Variants in GVQW3 observed in about 807,000 individuals in gnomAD.
GVQW3 encodes the protein protein GVQW3.
In GVQW3, 7 loss-of-function variants were observed where a neutral mutation model predicts 12.5. The observed-to-expected ratio is 0.56, with a 90% CI of 0.32 to 1.05. The LOEUF is 1.05. Among genes scored for constraint, GVQW3 ranks in the 50% least tolerant of loss-of-function variants. The pLI, the probability that GVQW3 is intolerant of heterozygous loss-of-function variation, is 0.04. For synonymous variants in GVQW3, 71 were observed against 67.2 expected (o/e 1.06, Z -0.28); for missense variants, 188 against 190.8 (o/e 0.99, Z 0.09).
At chr11:76,383,214 G>A (rs569364322) in intron 1 of GVQW3, 56 of 152,380 alleles carry the variant, frequency 3.7e-4, no homozygotes, top group African/African-American at 1.3e-3. Context: ...TCTAGTCCCT[G>A]AATTAAGGGA....
intron 1 of GVQW3, among the ~76,000 whole-genome samples, chr11:76,398,878 C>T (rs947424948): frequency 4.6e-5 from 7 of 152,278 alleles, no homozygotes; most frequent in African/African-American, 4.8e-5. Flanking sequence ...GTTTGGCTCT[C>T]GCTTACTAAT....
chr11:76,387,815 TG>T (rs1946850426), intron 1 of GVQW3, among the ~76,000 whole-genome samples: 1 of 152,032 alleles, frequency 6.6e-6, no homozygotes, highest in Non-Finnish European at 1.5e-5. Context: ...CCCAGCTACT[TG>T]CAGGGTTGAG....
intron 1 of GVQW3, among the ~76,000 whole-genome samples, chr11:76,394,672 G>C (rs1045557710): frequency 6.6e-6 from 1 of 152,146 alleles, no homozygotes; most frequent in African/African-American, 2.4e-5. Context: ...GTATCTCTTT[G>C]ATATACTGAT....
downstream of GVQW3, among the ~76,000 whole-genome samples, chr11:76,409,189 C>T (rs573616826): frequency 5.9e-5 from 9 of 152,206 alleles, no homozygotes; most frequent in East Asian, 9.6e-4. Context: ...GAATGTACAC[C>T]GAATGCCTAT....
chr11:76,412,248 G>A (rs929441070), downstream of GVQW3: 1 of 152,232 alleles, frequency 6.6e-6, no homozygotes, highest in Admixed American at 6.5e-5. Flanking sequence ...TAACTATAAT[G>A]TACTGCAGAC....
chr11:76,398,441 A>G (rs1242725639), intron 1 of GVQW3, among the ~76,000 whole-genome samples: 3 of 151,944 alleles, frequency 2.0e-5, no homozygotes, highest in African/African-American at 7.3e-5. Flanking sequence ...CCTCCTGAGT[A>G]TCTGGGACTA....
chr11:76,399,114 TATTTTATTTTATTTC>T (rs1026755691), intron 1 of GVQW3, among the ~76,000 whole-genome samples: 6 of 147,732 alleles, frequency 4.1e-5, no homozygotes, highest in South Asian at 4.2e-4. Flanking sequence ...TATTGTATTT[TATTTTATTTTATTTC>T]ATTTTATTTT....
chr11:76,394,187 C>G (rs148851879), intron 1 of GVQW3, among the ~76,000 whole-genome samples: 1 of 152,202 alleles, frequency 6.6e-6, no homozygotes, highest in African/African-American at 2.4e-5. Flanking sequence ...TGAGCCACCA[C>G]GCCCAGCCTT....
At chr11:76,398,363 G>T (rs1444032500) in intron 1 of GVQW3, among the ~76,000 whole-genome samples, 2 of 152,232 alleles carry the variant, frequency 1.3e-5, no homozygotes, top group South Asian at 4.1e-4. Context: ...CCAAGCTAGA[G>T]TGCAGTGGCT....
intron 1 of GVQW3, among the ~76,000 whole-genome samples, chr11:76,401,745 C>T (rs1487607178): frequency 1.4e-5 from 2 of 144,568 alleles, no homozygotes; most frequent in African/African-American, 5.2e-5. Context: ...TGCACTCCAG[C>T]CTGGGTGACA....
Position 76,406,742 on chromosome 11 carries a change from C to G in GVQW3, c.*2984C>G, listed in dbSNP as rs1006542845. On this transcript the variant is annotated 3_prime_UTR_variant, in exon 2 of 2. Transcript: ENST00000529331. The stretch of plus-strand genomic sequence containing the variant: ...AAATATGCCGGGCCAGGCGTGGTGG[C>G]TCACGCCTGTAATCCCAGCACTTTA... 1 of 152,250 alleles carries G rather than the reference C, an allele frequency of 6.6e-6. No homozygotes were observed. Among genetic ancestry groups the G allele is most frequent in the Non-Finnish European group, 1.5e-5 (1 of 68,062 alleles). The allele number at this position is 152,250 out of a possible 1,614,324, so 9.4% of individuals were successfully genotyped here.
rs1333768400 is a variant in GVQW3 at position 76,406,759 on chromosome 11, A to C, written c.*3001A>C. 6.6e-6 allele frequency: 1 copy of C among 152,264 alleles called. No homozygotes were observed. The highest frequency in any genetic ancestry group is 2.4e-5 in the African/African-American group (1 of 41,472). The allele number at this position is 152,264 out of a possible 1,614,324, so 9.4% of individuals were successfully genotyped here. A position where few individuals can be genotyped will look rare whatever the true frequency, so the allele number is the denominator to read the frequency against. On this transcript the variant is annotated 3_prime_UTR_variant, in exon 2 of 2. Coordinates refer to ENST00000529331, the MANE Select transcript of GVQW3 (RefSeq NM_001347885.2). ...CGTGGTGGCTCACGCCTGTAATCCCAGCACTTTAGGAGGCCAAGGCGGGTC... is the reference window on the plus strand; with the variant it reads ...CGTGGTGGCTCACGCCTGTAATCCCCGCACTTTAGGAGGCCAAGGCGGGTC...
chr11:76,413,772 A>G (rs7938584), exon 2 of GVQW3: 147,004 of 152,158 alleles, frequency 0.97, 71,077 homozygotes, highest in Non-Finnish European at 0.99. Context: ...TGAATTTGCT[A>G]TCTTTTACTT....
chr11:76,399,826 C>A (rs1946971344), intron 1 of GVQW3, among the ~76,000 whole-genome samples: 1 of 152,098 alleles, frequency 6.6e-6, no homozygotes, highest in Non-Finnish European at 1.5e-5. Context: ...GGATTTTGAA[C>A]TGGAACTTAC....
At chr11:76,388,585 T>C (rs890418968) in intron 1 of GVQW3, among the ~76,000 whole-genome samples, 2 of 151,778 alleles carry the variant, frequency 1.3e-5, no homozygotes, top group South Asian at 2.1e-4. Context: ...CAATTTTTTA[T>C]TGAGTGGCTG....
At chr11:76,414,438 C>T (rs1180035782) in exon 2 of GVQW3, 1 of 152,172 alleles carries the variant, frequency 6.6e-6, no homozygotes, top group African/African-American at 2.4e-5. Context: ...CATCCCCTAA[C>T]CTCAGCTACA....
chr11:76,396,582 T>TGA (rs1169257189), intron 1 of GVQW3, among the ~76,000 whole-genome samples: 4 of 152,208 alleles, frequency 2.6e-5, no homozygotes, highest in Non-Finnish European at 5.9e-5. Flanking sequence ...CCTAAAGTGC[T>TGA]GAGATTACAG....
At chr11:76,408,182 G>T (rs1355384507), downstream of GVQW3, 1 of 152,182 alleles carries the variant, frequency 6.6e-6, no homozygotes, top group Non-Finnish European at 1.5e-5. Flanking sequence ...GGTTCTGAGG[G>T]TTTAGTGGAG....
In GVQW3 at chr11:76,407,438, G is replaced by T. The variant is rs1383433233; in HGVS notation, c.*3680G>T. The T allele has an allele frequency of 6.6e-6, 1 of 151,946 alleles. No individual in the cohort carries two copies. The highest frequency in any genetic ancestry group is 1.5e-5 in the Non-Finnish European group (1 of 68,034). 9.4% of individuals were successfully genotyped at this position (151,946 alleles called of 1,614,324 possible). ...CTAAAAATACAAAAATTAGCTGGGT[G>T]TGGTGGTGCATGCCTGTAATCCCAG... On this transcript the variant is annotated 3_prime_UTR_variant, in exon 2 of 2. Transcript: ENST00000529331.
Sources: allele counts gnomAD v4.1 joint callset (sites outside exome capture counted in the v4.1 genomes callset), GRCh38; gene constraint gnomAD v4.1.1; transcripts MANE v1.5; gene names NCBI Gene and HGNC (gene_info 2026-07-23, HGNC 2026-07-21).